ARIH1: variants seen among roughly 807,000 people sequenced by gnomAD.
ARIH1 encodes ariadne RBR E3 ubiquitin protein ligase 1, also known as E3 ubiquitin-protein ligase ARIH1.
Under a neutral mutation model 85.0 loss-of-function variants are expected in ARIH1, and 8 were observed. The ratio of observed to expected loss-of-function variants is 0.09; its 90% confidence interval spans 0.06 to 0.17. The LOEUF is 0.17. ARIH1 is among the 10% of genes least tolerant of loss of function. The pLI is 1.00. For synonymous variants in ARIH1, 238 were observed against 253.6 expected, an observed-to-expected ratio of 0.94 and a Z score of 0.59; for missense variants, 311 against 718.1, an observed-to-expected ratio of 0.43 and a Z score of 6.48.
chr15:72,552,350 C>T (rs1014881854), intron 3 of ARIH1, among the ~76,000 whole-genome samples: 7 of 152,090 alleles, frequency 4.6e-5, no homozygotes, highest in Admixed American at 2.6e-4. Flanking sequence ...TGCAAAGGTG[C>T]GATCTTGGCT....
chr15:72,588,734 G>C lies in ARIH1; in HGVS notation c.*5442G>C, dbSNP rs1237854354. On this transcript the variant is annotated 3_prime_UTR_variant, in exon 14 of 14. Transcript: ENST00000379887. ...AATTTGGTTTTTTGTTGGTTTTCTG[G>C]TAAGTGGTCCACCTTGGAGAAAATC... 2.6e-5 allele frequency: 4 copies of C among 152,112 alleles called. No individual in the cohort carries two copies. The highest frequency in any genetic ancestry group is 9.7e-5 in the African/African-American group (4 of 41,404). 9.4% of individuals were successfully genotyped at this position (152,112 alleles called of 1,614,324 possible). A position where few individuals can be genotyped will look rare whatever the true frequency, so the allele number is the denominator to read the frequency against.
chr15:72,580,034 G>A (rs1372743807), intron 11 of ARIH1, among the ~76,000 whole-genome samples: 8 of 152,066 alleles, frequency 5.3e-5, no homozygotes, highest in African/African-American at 7.2e-5. Flanking sequence ...TACTCATCCA[G>A]TCTATCTGAA....
In ARIH1 at chr15:72,474,622, G is replaced by A; in HGVS notation, c.-18G>A. The A allele has an allele frequency of 6.6e-7, 1 of 1,507,112 alleles. No individual in the cohort carries two copies. Among genetic ancestry groups the A allele is most frequent in the Non-Finnish European group, 8.9e-7 (1 of 1,129,268 alleles). The allele number at this position is 1,507,112 out of a possible 1,614,324, so 93.4% of individuals were successfully genotyped here. A position where few individuals can be genotyped will look rare whatever the true frequency, so the allele number is the denominator to read the frequency against. On this transcript the variant is annotated 5_prime_UTR_variant, in exon 1 of 14. Coordinates refer to ENST00000379887, the MANE Select transcript of ARIH1 (RefSeq NM_005744.5). ...CCCCGCCTCGGCCAGCGTCCGCCGGGCCCCCGCGCGTCGCGCCATGGACTC... is the reference window on the plus strand; with the variant it reads ...CCCCGCCTCGGCCAGCGTCCGCCGGACCCCCGCGCGTCGCGCCATGGACTC...
At chr15:72,552,620 A>C (rs1397840805) in intron 3 of ARIH1, among the ~76,000 whole-genome samples, 10 of 152,092 alleles carry the variant, frequency 6.6e-5, no homozygotes, top group East Asian at 5.8e-4. Flanking sequence ...ACAACAACAA[A>C]AAAAAACAAG....
intron 7 of ARIH1, 122 bp downstream of exon 7, chr15:72,563,622 G>A: frequency 4.0e-6 from 3 of 752,502 alleles, no homozygotes; most frequent in South Asian, 3.6e-5. Context: ...GTTTGATACT[G>A]GTTTAAAATA....
chr15:72,481,927 GC>G (rs1192201597), intron 1 of ARIH1, among the ~76,000 whole-genome samples: 1 of 151,952 alleles, frequency 6.6e-6, no homozygotes, highest in Admixed American at 6.6e-5. Context: ...ACCTTCGCCT[GC>G]TGGGTTCAAG....
At position 72,510,736 on chromosome 15, in the gene ARIH1, C is replaced by CAAAAA. The variant is rs57834481; in HGVS notation, c.376-7301_376-7297dup. The stretch of plus-strand genomic sequence containing the variant: ...TGGGCAACAGAGCAAGACTCTGACT[C>CAAAAA]AAAAAAAAAAAAAAAAAAAAAAAAA... On this transcript the variant is annotated intron_variant, in intron 1 of 13. Coordinates refer to ENST00000379887, the MANE Select transcript of ARIH1 (RefSeq NM_005744.5). Among the ~76,000 whole-genome samples, 225 of 26,738 alleles carry CAAAAA rather than the reference C, an allele frequency of 8.4e-3. 33 individuals are homozygous for CAAAAA. Among genetic ancestry groups the CAAAAA allele is most frequent in the Non-Finnish European group, 0.011 (157 of 14,314 alleles). The allele number at this position is 26,738 out of a possible 152,430, so 17.5% of individuals were successfully genotyped here. A position where few individuals can be genotyped will look rare whatever the true frequency, so the allele number is the denominator to read the frequency against.
intron 11 of ARIH1, among the ~76,000 whole-genome samples, chr15:72,572,614 C>T (rs900195444): frequency 6.6e-6 from 1 of 152,104 alleles, no homozygotes; most frequent in African/African-American, 2.4e-5. Flanking sequence ...GAATCTTATC[C>T]AAAATATTTA....
chr15:72,486,274 T>A (rs1444161656), intron 1 of ARIH1, among the ~76,000 whole-genome samples: 1 of 152,124 alleles, frequency 6.6e-6, no homozygotes, highest in Non-Finnish European at 1.5e-5. Context: ...AATTTGTAAG[T>A]TTTAAATTGT....
intron 3 of ARIH1, among the ~76,000 whole-genome samples, chr15:72,546,604 T>C (rs2064129884): frequency 6.6e-6 from 1 of 152,086 alleles, no homozygotes; most frequent in Non-Finnish European, 1.5e-5. Flanking sequence ...CACCTCAGCC[T>C]CCCAAGTAGC....
chr15:72,474,689 G>A lies in ARIH1; in HGVS notation c.50G>A (p.Cys17Tyr). ...TACGAGTTCGACGAGGACGAGGAGT[G>A]CAGTGAGGAGGACAGCGGCGCCGAG... Reference protein sequence around the residue: ...YNYEFDEDEECSEEDSGAEEE... With the variant: ...YNYEFDEDEEYSEEDSGAEEE... Residue 17 changes from cysteine to tyrosine, a missense_variant, in exon 1 of 14, where the codon TGC (cysteine) becomes TAC (tyrosine). Physicochemically the swap from Cys to Tyr is radical, Grantham distance 194. Around this residue, in one of 3 missense-constraint regions of ARIH1, gnomAD observed 157 missense variants for 185.1 expected, o/e 0.85. Transcript: ENST00000379887. 6.3e-7 allele frequency: 1 copy of A among 1,575,648 alleles called. No homozygotes were observed. Among genetic ancestry groups the A allele is most frequent in the Non-Finnish European group, 8.6e-7 (1 of 1,162,656 alleles).
chr15:72,534,133 T>C (rs2064070505), intron 2 of ARIH1, among the ~76,000 whole-genome samples: 1 of 152,192 alleles, frequency 6.6e-6, no homozygotes, highest in East Asian at 1.9e-4. Context: ...AATACCTATC[T>C]ACTATATGGT....
At chr15:72,569,394 A>G (rs973345562) in intron 9 of ARIH1, among the ~76,000 whole-genome samples, 3 of 152,206 alleles carry the variant, frequency 2.0e-5, no homozygotes, top group African/African-American at 7.2e-5. Context: ...AATGAAAAGA[A>G]TTTAAAACAT....
chr15:72,592,917 ACTTGT>A lies in ARIH1; in HGVS notation c.*9630_*9634del, dbSNP rs1350641482. On this transcript the variant is annotated 3_prime_UTR_variant, in exon 14 of 14. Transcript: ENST00000379887. Reference sequence around the variant, plus strand: ...TTGTTTTTTGTGGATATACATCTTCACTTGTCTTGGATAAATAAGAGTAGAAAATT... The same window carrying A: ...TTGTTTTTTGTGGATATACATCTTCACTTGGATAAATAAGAGTAGAAAATT... 6.6e-6 allele frequency: 1 copy of A among 152,052 alleles called. No homozygotes were observed. Among genetic ancestry groups the A allele is most frequent in the Non-Finnish European group, 1.5e-5 (1 of 67,988 alleles). 9.4% of individuals were successfully genotyped at this position (152,052 alleles called of 1,614,324 possible).
At chr15:72,528,468 AG>A (rs1158348664) in intron 2 of ARIH1, among the ~76,000 whole-genome samples, 3 of 152,196 alleles carry the variant, frequency 2.0e-5, no homozygotes, top group Non-Finnish European at 4.4e-5. Context: ...AATTAGCCTC[AG>A]GGATGGTGAA....
intron 2 of ARIH1, among the ~76,000 whole-genome samples, chr15:72,518,510 C>T (rs1023339782): frequency 3.9e-5 from 6 of 152,158 alleles, no homozygotes; most frequent in Non-Finnish European, 7.3e-5. Flanking sequence ...TCTTGCTCAT[C>T]CGGGCATGGT....
intron 1 of ARIH1, among the ~76,000 whole-genome samples, chr15:72,476,671 T>G (rs972892474): frequency 5.9e-5 from 9 of 152,124 alleles, no homozygotes; most frequent in African/African-American, 2.2e-4. Flanking sequence ...CTGTAGAAGA[T>G]GCACATGTAA....
At chr15:72,545,310 GT>G (rs1463725934) in intron 3 of ARIH1, among the ~76,000 whole-genome samples, 2 of 152,130 alleles carry the variant, frequency 1.3e-5, no homozygotes, top group Admixed American at 6.5e-5. Flanking sequence ...AACTTTAAGT[GT>G]TTTTTAAATA....
At chr15:72,515,206 G>A (rs999115986) in intron 1 of ARIH1, among the ~76,000 whole-genome samples, 4 of 151,890 alleles carry the variant, frequency 2.6e-5, no homozygotes, top group Non-Finnish European at 5.9e-5. Context: ...GCATGGTGGC[G>A]CATGCCTGTA....
Sources: allele counts gnomAD v4.1 joint callset (sites outside exome capture counted in the v4.1 genomes callset), GRCh38; gene constraint gnomAD v4.1.1; regional missense constraint gnomAD v4.1.1; transcripts MANE v1.5; gene names NCBI Gene and HGNC (gene_info 2026-07-23, HGNC 2026-07-21).